GREB1: variants seen among roughly 807,000 people sequenced by gnomAD.
The protein encoded by GREB1 is growth regulating estrogen receptor binding 1.
In GREB1, 106 loss-of-function variants were observed where a neutral mutation model predicts 200.7. The observed-to-expected ratio is 0.53, with a 90% CI of 0.45 to 0.62. GREB1 has a LOEUF of 0.62. Ranked by LOEUF, GREB1 falls within the 20% of genes least tolerant of loss-of-function variation. GREB1 has a pLI of 0.00. For missense variants in GREB1, 2,243 were observed against 2,556.8 expected (o/e 0.88, Z 2.65); for synonymous variants, 1,132 against 1,092.4 (o/e 1.04, Z -0.72).
intron 23 of GREB1, among the ~76,000 whole-genome samples, chr2:11,621,306 A>T (rs970344514): frequency 2.0e-5 from 3 of 152,176 alleles, no homozygotes; most frequent in Non-Finnish European, 2.9e-5. Context: ...CCAGGGTGAG[A>T]TAGATGTTCC....
At position 11,640,244 on chromosome 2, in the gene GREB1, A is replaced by G. The variant is rs1388789451; in HGVS notation, c.5687-47A>G. ...AATCCGGGCAGCCGCTTTCCTCTGG[A>G]TAAACTCACCTTTTCCCTTCCCACA... On this transcript the variant is annotated intron_variant, in intron 32 of 32. Coordinates refer to ENST00000381486, the MANE Select transcript of GREB1 (RefSeq NM_014668.4). The surrounding 1 kb of genome is among the most constrained non-coding windows in gnomAD (Gnocchi z 4.6). 2 of 1,574,654 alleles carry G rather than the reference A, an allele frequency of 1.3e-6. No homozygotes were observed. The highest frequency in any genetic ancestry group is 1.7e-6 in the Non-Finnish European group (2 of 1,159,218).
rs1250459219 is a variant in GREB1 at position 11,641,949 on chromosome 2, C to T, written c.*1495C>T. 17 of 152,198 alleles carry T rather than the reference C, an allele frequency of 1.1e-4. 1 individual carries two copies. The highest frequency in any genetic ancestry group is 8.5e-4 in the Admixed American group (13 of 15,278). The allele number at this position is 152,198 out of a possible 1,614,324, so 9.4% of individuals were successfully genotyped here. Reference sequence around the variant, plus strand: ...TGCAAAGAGTCTACCTTTCCAAGTTCTCACTGCTGGAAAGAGCTAGAAGCA... The same window carrying T: ...TGCAAAGAGTCTACCTTTCCAAGTTTTCACTGCTGGAAAGAGCTAGAAGCA... On this transcript the variant is annotated 3_prime_UTR_variant, in exon 33 of 33. Coordinates refer to ENST00000381486, the MANE Select transcript of GREB1 (RefSeq NM_014668.4).
At chr2:11,510,159 A>C (rs1673309195) in intron 1 of GREB1, among the ~76,000 whole-genome samples, 1 of 152,188 alleles carries the variant, frequency 6.6e-6, no homozygotes, top group Non-Finnish European at 1.5e-5. Flanking sequence ...CTGTTGTTTA[A>C]TGTGTATCTT....
intron 1 of GREB1, among the ~76,000 whole-genome samples, chr2:11,518,230 G>A (rs1197705947): frequency 6.6e-6 from 1 of 152,146 alleles, no homozygotes; most frequent in Non-Finnish European, 1.5e-5. Context: ...GGAGGAGCAT[G>A]GAGATCCATT....
chr2:11,626,886 G>T lies in GREB1; in HGVS notation c.4307-76G>T, dbSNP rs907184847. 6 of 1,508,256 alleles carry T rather than the reference G, an allele frequency of 4.0e-6. No individual in the cohort carries two copies. The African/African-American group carries it at 4.1e-5, about 10-fold the overall frequency. The allele number at this position is 1,508,256 out of a possible 1,614,324, so 93.4% of individuals were successfully genotyped here. A position where few individuals can be genotyped will look rare whatever the true frequency, so the allele number is the denominator to read the frequency against. Reference sequence around the variant, plus strand: ...TTGTCTGGTCATTTGAGCATTTTTGGTTTCTGTTTGAGCAGGCAGGGGATA... The same window carrying T: ...TTGTCTGGTCATTTGAGCATTTTTGTTTTCTGTTTGAGCAGGCAGGGGATA... On this transcript the variant is annotated intron_variant, in intron 24 of 32. Coordinates refer to ENST00000381486, the MANE Select transcript of GREB1 (RefSeq NM_014668.4).
At chr2:11,582,448 C>T (rs1039055761) in intron 7 of GREB1, among the ~76,000 whole-genome samples, 3 of 152,208 alleles carry the variant, frequency 2.0e-5, no homozygotes, top group African/African-American at 4.8e-5. Context: ...CTCCTGTCTC[C>T]ATGCTCTGTG....
intron 4 of GREB1, among the ~76,000 whole-genome samples, chr2:11,570,230 GA>G (rs976707467): frequency 2.2e-4 from 34 of 152,060 alleles, no homozygotes; most frequent in Admixed American, 2.2e-3. Flanking sequence ...CCAGCGTGGT[GA>G]AACCCTGTCT....
chr2:11,610,614 G>C (rs1285560473), intron 17 of GREB1, 74 bp from the exon 18 acceptor site: 1 of 1,155,110 alleles, frequency 8.7e-7, no homozygotes, highest in Non-Finnish European at 1.3e-6. Context: ...AGTGACGGAT[G>C]TCTTGGGTGA....
At chr2:11,563,207 A>C (rs1214517377) in intron 3 of GREB1, 1 of 152,154 alleles carries the variant, frequency 6.6e-6, no homozygotes, top group Admixed American at 6.5e-5. Context: ...TCCTGACCTC[A>C]GGTGATCCAC....
At chr2:11,638,012 C>T in intron 31 of GREB1, 96 bp downstream of exon 31, 1 of 1,047,180 alleles carries the variant, frequency 9.5e-7, no homozygotes, top group East Asian at 2.5e-5. Context: ...AAGTCCTCAA[C>T]TCCTTCGTCT....
chr2:11,612,209 AG>A, intron 18 of GREB1: 1 of 606,638 alleles, frequency 1.6e-6, no homozygotes, highest in Non-Finnish European at 2.1e-6. Flanking sequence ...AAAAAAAAAA[AG>A]ACTTAAGGAG....
At chr2:11,485,148 A>G (rs1447935746) in intron 1 of GREB1, among the ~76,000 whole-genome samples, 1 of 151,804 alleles carries the variant, frequency 6.6e-6, no homozygotes, top group Non-Finnish European at 1.5e-5. Context: ...TAAATGGTTT[A>G]TTGGTGGTTT....
intron 21 of GREB1, among the ~76,000 whole-genome samples, chr2:11,617,253 G>A (rs914579346): frequency 6.6e-6 from 1 of 152,246 alleles, no homozygotes; most frequent in Non-Finnish European, 1.5e-5. Context: ...CTCTGTCTCC[G>A]AGAGTAGTCA....
At chr2:11,631,381 G>A (rs962863485) in intron 26 of GREB1, among the ~76,000 whole-genome samples, 1 of 152,300 alleles carries the variant, frequency 6.6e-6, no homozygotes. Context: ...TGTGTGCTCT[G>A]GGCACAATAT....
chr2:11,594,513 C>T (rs546253953), intron 11 of GREB1, among the ~76,000 whole-genome samples: 3 of 151,038 alleles, frequency 2.0e-5, no homozygotes, highest in Non-Finnish European at 4.4e-5. Context: ...CACCACCATG[C>T]CCAGGTAATT....
Position 11,548,322 on chromosome 2 carries a change from A to G in GREB1, c.-161-8132A>G, listed in dbSNP as rs28464762. On this transcript the variant is annotated intron_variant, in intron 1 of 32. Transcript: ENST00000381486. The surrounding 1 kb of genome is among the most constrained non-coding windows in gnomAD (Gnocchi z 5.1). ...CATACCCACATATGCACACACACGC[A>G]CACACCCAGACACGTGCACACATGC... 6.9e-6 allele frequency among the ~76,000 whole-genome samples: 1 copy of G among 145,166 alleles called. No homozygotes were observed. The highest frequency in any genetic ancestry group is 1.5e-5 in the Non-Finnish European group (1 of 67,986).
At chr2:11,483,286 GTGTGCGTGCGTGCATGTGTA>G (rs1672557420) in intron 1 of GREB1, among the ~76,000 whole-genome samples, 2 of 150,942 alleles carry the variant, frequency 1.3e-5, no homozygotes, top group South Asian at 4.2e-4. Context: ...GTGAGTGCGC[GTGTGCGTGCGTGCATGTGTA>G]CGCGTGTATC....
At chr2:11,586,291 G>A (rs1241446749) in intron 9 of GREB1, among the ~76,000 whole-genome samples, 1 of 152,238 alleles carries the variant, frequency 6.6e-6, no homozygotes, top group African/African-American at 2.4e-5. Flanking sequence ...CAGGAGCTCC[G>A]CTCTGGTGGG....
In GREB1 at chr2:11,585,186, C is replaced by CA. The variant is rs869310688; in HGVS notation, c.933dup (p.Arg312ThrfsTer26). On this transcript the variant is annotated frameshift_variant, in exon 8 of 33. Transcript: ENST00000381486. LOFTEE classifies it high-confidence loss of function. ...GTATCTTGTCAAACTCCGGGCCCCC[C>CA]AAAAAACGCCACAAAGGGTGGTCTC... 6 of 1,577,654 alleles carry CA rather than the reference C, an allele frequency of 3.8e-6. No homozygotes were observed. Among genetic ancestry groups the CA allele is most frequent in the African/African-American group, 1.4e-5 (1 of 73,260 alleles).
Sources: gnomAD v4.1 joint callset for allele counts (sites outside exome capture counted in the v4.1 genomes callset) on GRCh38, gnomAD v4.1.1 for gene constraint, Gnocchi (gnomAD v3.1) non-coding constraint, MANE v1.5 for transcripts, NCBI Gene and HGNC (gene_info 2026-07-23, HGNC 2026-07-21) for gene names.